APBB2: variants seen among roughly 807,000 people sequenced by gnomAD.
APBB2 encodes the protein amyloid beta precursor protein binding family B member 2, also known as Fe65-like 1.
Under a neutral mutation model 82.5 loss-of-function variants are expected in APBB2, and 38 were observed. The observed-to-expected ratio is 0.46, with a 90% CI of 0.36 to 0.60. APBB2 has a LOEUF of 0.60. Ranked by LOEUF, APBB2 falls within the 20% of genes least tolerant of loss-of-function variation. The pLI is 0.00. For synonymous variants in APBB2, 341 were observed against 368.2 expected (o/e 0.93, Z 0.85); for missense variants, 772 against 972.3 (o/e 0.79, Z 2.74).
intron 6 of APBB2, among the ~76,000 whole-genome samples, chr4:40,952,926 T>C (rs1790604221): frequency 6.6e-6 from 1 of 152,208 alleles, no homozygotes; most frequent in South Asian, 2.1e-4. Flanking sequence ...GCACTATCTT[T>C]ATCCCCATTT....
chr4:41,101,744 C>T (rs981657555), intron 2 of APBB2, among the ~76,000 whole-genome samples: 2 of 151,756 alleles, frequency 1.3e-5, no homozygotes, highest in Non-Finnish European at 2.9e-5. Flanking sequence ...CGGATCACGA[C>T]GTCAGGAGTT....
chr4:41,105,662 A>G (rs1197469127), intron 2 of APBB2, among the ~76,000 whole-genome samples: 1 of 152,192 alleles, frequency 6.6e-6, no homozygotes, highest in Non-Finnish European at 1.5e-5. Flanking sequence ...AGGCGGGCAG[A>G]TCACAAGGTC....
intron 1 of APBB2, among the ~76,000 whole-genome samples, chr4:41,179,609 A>C (rs866823076): frequency 5.9e-5 from 9 of 152,210 alleles, no homozygotes; most frequent in Non-Finnish European, 1.2e-4. Flanking sequence ...CACAACTCTA[A>C]ATATAACAGC....
At chr4:40,986,216 C>T (rs931284154) in intron 6 of APBB2, among the ~76,000 whole-genome samples, 1 of 152,176 alleles carries the variant, frequency 6.6e-6, no homozygotes, top group African/African-American at 2.4e-5. Flanking sequence ...AATTCCAAAA[C>T]AATCCAGAAG....
chr4:40,931,154 T>C (rs1051007073), intron 10 of APBB2, among the ~76,000 whole-genome samples: 2 of 152,200 alleles, frequency 1.3e-5, no homozygotes, highest in African/African-American at 4.8e-5. Flanking sequence ...GAGTAACTTA[T>C]TCTACAAAGG....
At chr4:40,967,595 C>T (rs1387485399) in intron 6 of APBB2, among the ~76,000 whole-genome samples, 1 of 152,186 alleles carries the variant, frequency 6.6e-6, no homozygotes, top group Non-Finnish European at 1.5e-5. Flanking sequence ...AGCTGCCTGC[C>T]CCACCACAGC....
In APBB2 at chr4:40,832,308, C is replaced by T. The variant is rs750801086; in HGVS notation, c.1530-1731G>A. Among the ~76,000 whole-genome samples the T allele has an allele frequency of 2.6e-5, 4 of 152,180 alleles. No homozygotes were observed. The highest frequency in any genetic ancestry group is 2.6e-4 in the Admixed American group (4 of 15,284). ...AAGGTCTGGCCGGAAAACCCTGCCT[C>T]GCAACCTCACCTCGCCATGCCCCAG... On this transcript the variant is annotated intron_variant, in intron 12 of 17. Coordinates refer to ENST00000508593, the MANE Select transcript of APBB2 (RefSeq NM_004307.2). This position sits in a 1 kb window ranked among gnomAD's most constrained non-coding sequence, Gnocchi z 4.8.
At chr4:40,851,353 C>T (rs982926045) in intron 12 of APBB2, among the ~76,000 whole-genome samples, 2 of 152,128 alleles carry the variant, frequency 1.3e-5, no homozygotes, top group Non-Finnish European at 2.9e-5. Flanking sequence ...GCCATGTGGA[C>T]GTCTGCCCCA....
Position 41,127,994 on chromosome 4 carries a change from C to T in APBB2, c.-261+14993G>A, listed in dbSNP as rs745571733. Among the ~76,000 whole-genome samples, 1 of 152,052 alleles carries T rather than the reference C, an allele frequency of 6.6e-6. No homozygotes were observed. The highest frequency in any genetic ancestry group is 1.5e-5 in the Non-Finnish European group (1 of 68,014). On this transcript the variant is annotated intron_variant, in intron 2 of 17. Coordinates refer to ENST00000508593, the MANE Select transcript of APBB2 (RefSeq NM_004307.2). This position sits in a 1 kb window ranked among gnomAD's most constrained non-coding sequence, Gnocchi z 4.8. ...ACCTGGGAGACTGAAGCATGAGAAT[C>T]GCTTGAACCCAGGAGGCGGAGATTG...
intron 12 of APBB2, among the ~76,000 whole-genome samples, chr4:40,838,238 C>T (rs1353773594): frequency 6.6e-6 from 1 of 150,802 alleles, no homozygotes; most frequent in African/African-American, 2.4e-5. Flanking sequence ...TCTCGGCTCA[C>T]TGCAACCTCC....
intron 1 of APBB2, among the ~76,000 whole-genome samples, chr4:41,172,990 T>C: frequency 6.6e-6 from 1 of 152,208 alleles, no homozygotes. Context: ...TACTCATCAT[T>C]AGTACATTTT....
rs549548382 is a variant in APBB2 at position 40,837,601 on chromosome 4, C to G, written c.1530-7024G>C. ...ACCACCTGTGATCATCAGACACGAT[C>G]TGTCTGACACTTGGCAGCAAGACCC... On this transcript the variant is annotated intron_variant, in intron 12 of 17. Coordinates refer to ENST00000508593, the MANE Select transcript of APBB2 (RefSeq NM_004307.2). Among the ~76,000 whole-genome samples, 6 of 152,336 alleles carry G rather than the reference C, an allele frequency of 3.9e-5. No homozygotes were observed. The East Asian group carries it at 1.2e-3, about 29-fold the overall frequency.
In APBB2 at chr4:41,000,041, G is replaced by T. The variant is rs1024386561; in HGVS notation, c.835+13542C>A. On this transcript the variant is annotated intron_variant, in intron 6 of 17. Coordinates refer to ENST00000508593, the MANE Select transcript of APBB2 (RefSeq NM_004307.2). ...AAAAAAAAAACAAACGTGTGTGTGTGTGTATGTATATGTATATATATGTGT... is the reference window on the plus strand; with the variant it reads ...AAAAAAAAAACAAACGTGTGTGTGTTTGTATGTATATGTATATATATGTGT... Among the ~76,000 whole-genome samples, 8 of 143,862 alleles carry T rather than the reference G, an allele frequency of 5.6e-5. No homozygotes were observed. In the East Asian group the frequency reaches 1.7e-3, roughly 30 times the overall value. 94.4% of individuals were successfully genotyped at this position (143,862 alleles called of 152,430 possible).
At position 41,189,170 on chromosome 4, in the gene APBB2, T is replaced by C. The variant is rs139554378; in HGVS notation, c.-417+25235A>G. ...CAACAGTAAAGTGGATAGGCTGAAG[T>C]ATATTCATATAATATATACAGTGGG... is the stretch of plus-strand genomic sequence containing the variant. On this transcript the variant is annotated intron_variant, in intron 1 of 17. Coordinates refer to ENST00000508593, the MANE Select transcript of APBB2 (RefSeq NM_004307.2). Among the ~76,000 whole-genome samples, 572 of 152,302 alleles carry C rather than the reference T, an allele frequency of 3.8e-3. 3 individuals are homozygous for C. Among genetic ancestry groups the C allele is most frequent in the African/African-American group, 0.013 (528 of 41,554 alleles).
At chr4:40,987,930 C>T (rs1800817244) in intron 6 of APBB2, among the ~76,000 whole-genome samples, 1 of 152,156 alleles carries the variant, frequency 6.6e-6, no homozygotes, top group African/African-American at 2.4e-5. Context: ...CATGGTCTTC[C>T]ACCATATTAA....
At chr4:40,982,155 A>G (rs1229541660) in intron 6 of APBB2, among the ~76,000 whole-genome samples, 1 of 148,482 alleles carries the variant, frequency 6.7e-6, no homozygotes, top group African/African-American at 2.5e-5. Context: ...ATTGCACTCC[A>G]GCCTGGGCAA....
At chr4:40,933,264 C>T (rs1784651386) in intron 10 of APBB2, among the ~76,000 whole-genome samples, 1 of 152,198 alleles carries the variant, frequency 6.6e-6, no homozygotes, top group East Asian at 1.9e-4. Flanking sequence ...CTGTCCATAT[C>T]TTGGTACCTG....
At chr4:41,129,437 C>G (rs747964060) in intron 2 of APBB2, among the ~76,000 whole-genome samples, 92 of 152,148 alleles carry the variant, frequency 6.0e-4, no homozygotes, top group Non-Finnish European at 9.6e-4. Flanking sequence ...ACCTGTGTGC[C>G]TTGGGAAGTC....
At chr4:41,136,620 C>G (rs1248211593) in intron 2 of APBB2, among the ~76,000 whole-genome samples, 1 of 152,176 alleles carries the variant, frequency 6.6e-6, no homozygotes, top group African/African-American at 2.4e-5. Flanking sequence ...ATCCTGAGAA[C>G]TGAGCCCTCC....
Sources: gnomAD v4.1 joint callset for allele counts (sites outside exome capture counted in the v4.1 genomes callset) on GRCh38, gnomAD v4.1.1 for gene constraint, Gnocchi (gnomAD v3.1) non-coding constraint, MANE v1.5 for transcripts, NCBI Gene and HGNC (gene_info 2026-07-23, HGNC 2026-07-21) for gene names.